The following AGRN variants were observed in gnomAD, a reference collection of about 807,000 sequenced individuals.
The protein encoded by AGRN is agrin proteoglycan.
AGRN carries 106 observed loss-of-function variants against 211.0 expected under a neutral mutation model. That is an observed-to-expected ratio of 0.50 (90% CI 0.43 to 0.59). The LOEUF (loss-of-function observed/expected upper bound fraction) is 0.59. AGRN is among the 20% of genes least tolerant of loss of function. The probability of loss-of-function intolerance (pLI) is 0.00; values close to 1 mark genes in which losing one functional copy is unlikely to be tolerated. For synonymous variants in AGRN, 1,525 were observed against 1,332.5 expected (o/e 1.14, Z -3.15); for missense variants, 3,040 against 2,982.6 (o/e 1.02, Z -0.45).
At position 1,049,986 on chromosome 1, in the gene AGRN, G is replaced by A; in HGVS notation, c.4828G>A (p.Gly1610Ser). 3.1e-6 allele frequency: 5 copies of A among 1,612,016 alleles called. No homozygotes were observed. Among genetic ancestry groups the A allele is most frequent in the Non-Finnish European group, 4.2e-6 (5 of 1,179,782 alleles). ...GCCCTGCCGTGTGCTGCCCGAGGGT[G>A]GTGCTCAGTGCGAGTGCCCCCTGGG... ...AAPCRVLPEGGAQCECPLGRE... is the reference protein window; with the variant it reads ...AAPCRVLPEGSAQCECPLGRE... The change falls in exon 27 of 36, where the codon GGT becomes AGT. Residue 1610 changes from glycine to serine, a missense_variant. This residue lies in a region of AGRN where 1,537 missense variants were observed against 1,505.0 expected (regional missense o/e 1.02). Coordinates refer to ENST00000379370, the MANE Select transcript of AGRN (RefSeq NM_198576.4).
At chr1:1,035,207 C>T in intron 2 of AGRN, 70 bp from the exon 3 acceptor site, 1 of 1,522,648 alleles carries the variant, frequency 6.6e-7, no homozygotes, top group Non-Finnish European at 9.1e-7. Flanking sequence ...CCTTTCCAGG[C>T]TGGGCAAAGG....
chr1:1,038,331 G>A (rs1334717119), intron 3 of AGRN, among the ~76,000 whole-genome samples: 1 of 152,184 alleles, frequency 6.6e-6, no homozygotes, highest in African/African-American at 2.4e-5. Context: ...AGGTACCCAA[G>A]GTCTCTCCAC....
In AGRN at chr1:1,051,617, G is replaced by A. The variant is rs1230791408; in HGVS notation, c.5535G>A (p.Gly1845=). 1.9e-6 allele frequency: 3 copies of A among 1,610,036 alleles called. No individual in the cohort carries two copies. Among genetic ancestry groups the A allele is most frequent in the East Asian group, 2.2e-5 (1 of 44,812 alleles). ...CTGCCTATGTGTGCCTGTGTCCCGG[G>A]GGATTCTCAGGACCGCACTGCGAGA... The part of the protein sequence containing the change: ...REAAYVCLCP[G]GFSGPHCEKG... Residue 1845 remains glycine, a synonymous_variant, in exon 32 of 36, where the codon GGG becomes GGA. Coordinates refer to ENST00000379370, the MANE Select transcript of AGRN (RefSeq NM_198576.4).
rs752720189 is a variant in AGRN at position 1,051,540 on chromosome 1, C to T, written c.5458C>T (p.Arg1820Trp). 3.8e-5 allele frequency: 60 copies of T among 1,567,422 alleles called. No individual in the cohort carries two copies. Among genetic ancestry groups the T allele is most frequent in the South Asian group, 1.8e-4 (15 of 85,626 alleles). ...VTSFAGHPCTRASGHPCLNGA... is the reference protein window; with the variant it reads ...VTSFAGHPCTWASGHPCLNGA... Reference sequence around the variant, plus strand: ...GTCCTTTGCAGGTCACCCCTGCACCCGGGCCTCAGGCCACCCCTGCCTCAA... The same window carrying T: ...GTCCTTTGCAGGTCACCCCTGCACCTGGGCCTCAGGCCACCCCTGCCTCAA... Residue 1820 changes from arginine (R) to tryptophan (W), a missense_variant, in exon 32 of 36, where the codon CGG becomes TGG. Arg to Trp is a moderately radical substitution (Grantham distance 101). Around this residue, in one of 3 missense-constraint regions of AGRN, gnomAD observed 1,537 missense variants for 1,505.0 expected, o/e 1.02. Transcript: ENST00000379370.
At chr1:1,039,913 G>T (rs1644888679) in intron 3 of AGRN, among the ~76,000 whole-genome samples, 1 of 152,208 alleles carries the variant, frequency 6.6e-6, no homozygotes, top group East Asian at 1.9e-4. Flanking sequence ...GGCTGGCCAG[G>T]GAGAATAGGA....
At chr1:1,044,890 A>G (rs1645047338) in intron 12 of AGRN, among the ~76,000 whole-genome samples, 1 of 151,670 alleles carries the variant, frequency 6.6e-6, no homozygotes, top group African/African-American at 2.4e-5. Flanking sequence ...TTTGCAAGGA[A>G]GCTCGCGTGT....
intron 12 of AGRN, among the ~76,000 whole-genome samples, chr1:1,044,910 C>T (rs1485003845): frequency 6.6e-6 from 1 of 152,160 alleles, no homozygotes; most frequent in African/African-American, 2.4e-5. Flanking sequence ...TGTGTGTGCA[C>T]AGAGCTGCGT....
Position 1,045,225 on chromosome 1 carries a change from CT to C in AGRN, c.2320del (p.Cys774AlafsTer89). On this transcript the variant is annotated frameshift_variant, in exon 13 of 36. Coordinates refer to ENST00000379370, the MANE Select transcript of AGRN (RefSeq NM_198576.4). LOFTEE classifies it high-confidence loss of function. ...LHCAQTPYGCCQDNITAARGV... is the reference protein window; with the variant it reads ...LHCAQTPYGCXQDNITAARGV... ...ACTGTGCCCAGACGCCCTACGGCTGCTGCCAGGACAATATCACCGCAGCCCG... is the reference window on the plus strand; with the variant it reads ...ACTGTGCCCAGACGCCCTACGGCTGCGCCAGGACAATATCACCGCAGCCCG... 1.2e-6 allele frequency: 2 copies of C among 1,612,510 alleles called. No individual in the cohort carries two copies.
chr1:1,046,149 C>A lies in AGRN; in HGVS notation c.2806-11C>A, dbSNP rs1179175578. The A allele has an allele frequency of 1.9e-6, 3 of 1,613,942 alleles. No individual in the cohort carries two copies. In the East Asian group the frequency reaches 6.7e-5, roughly 36 times the overall value. Reference sequence around the variant, plus strand: ...AGGCCTCGCCTTGAACATCCTTGTTCTCTGCCCCAGGTCTGTGGGTCAGAT... The same window carrying A: ...AGGCCTCGCCTTGAACATCCTTGTTATCTGCCCCAGGTCTGTGGGTCAGAT... On this transcript the variant is annotated splice_polypyrimidine_tract_variant and intron_variant, in intron 16 of 35. Coordinates refer to ENST00000379370, the MANE Select transcript of AGRN (RefSeq NM_198576.4).
intron 2 of AGRN, among the ~76,000 whole-genome samples, chr1:1,024,582 C>T (rs747043095): frequency 7.2e-5 from 11 of 152,098 alleles, no homozygotes; most frequent in African/African-American, 2.4e-4. Context: ...AAGGCCCCTC[C>T]GAGCTCCCCA....
intron 19 of AGRN, 50 bp from the exon 20 acceptor site, chr1:1,047,277 C>T (rs368527782): frequency 6.4e-7 from 1 of 1,554,416 alleles, no homozygotes; most frequent in Non-Finnish European, 8.7e-7. Flanking sequence ...CTGGGCCAGC[C>T]TGGATGCCAG....
At chr1:1,044,824 T>G (rs1359738963) in intron 12 of AGRN, among the ~76,000 whole-genome samples, 3 of 151,984 alleles carry the variant, frequency 2.0e-5, no homozygotes, top group Non-Finnish European at 4.4e-5. Context: ...AACTGTACGG[T>G]TTGGAGGAAT....
chr1:1,028,560 ACCCTTTCC>A (rs1557687095), intron 2 of AGRN, among the ~76,000 whole-genome samples: 1 of 137,930 alleles, frequency 7.3e-6, no homozygotes, highest in Non-Finnish European at 1.6e-5. Flanking sequence ...CAGCCACGCC[ACCCTTTCC>A]GAAGGAACCG....
Position 1,046,218 on chromosome 1 carries a change from G to C in AGRN, c.2864G>C (p.Cys955Ser), listed in dbSNP as rs1645088087. Reference protein sequence around the residue: ...GNECQLKTIACRQGLQISIQS... With the variant: ...GNECQLKTIASRQGLQISIQS... The stretch of plus-strand genomic sequence containing the variant: ...GAGTGTCAGCTGAAGACCATCGCCT[G>C]CCGCCAGGGCCTGCAAATCTCTATC... Residue 955 changes from cysteine to serine, a missense_variant, in exon 17 of 36, where the codon TGC becomes TCC. Transcript: ENST00000379370. The C allele has an allele frequency of 4.3e-6, 7 of 1,613,628 alleles. No individual in the cohort carries two copies. Among genetic ancestry groups the C allele is most frequent in the Non-Finnish European group, 5.9e-6 (7 of 1,179,988 alleles).
intron 3 of AGRN, 54 bp downstream of exon 3, chr1:1,035,378 CAG>C (rs990958309): frequency 1.4e-5 from 23 of 1,601,702 alleles, no homozygotes; most frequent in African/African-American, 1.3e-4. Context: ...TCTTGGGAGT[CAG>C]GGGCCATTTG....
rs146377446 is a variant in AGRN, at chr1:1,049,480, C to T, written c.4514+29C>T. On this transcript the variant is annotated intron_variant, in intron 25 of 35. Transcript: ENST00000379370. ...AGTCCCTTGGAGGGTGGTGTGGCCC[C>T]GACCCCGGCCCTTTGGGGTCCCGGT... 12,667 of 1,599,756 alleles carry T rather than the reference C, an allele frequency of 7.9e-3. 188 individuals are homozygous for T. The highest frequency in any genetic ancestry group is 0.044 in the South Asian group (3,943 of 90,556).
intron 2 of AGRN, among the ~76,000 whole-genome samples, chr1:1,026,151 C>T (rs1008791800): frequency 9.9e-5 from 15 of 152,160 alleles, no homozygotes. Context: ...TCACTCCCCA[C>T]CCAGAGAACA....
Position 1,050,465 on chromosome 1 carries a change from G to A in AGRN, c.5015G>A (p.Gly1672Asp), listed in dbSNP as rs1570244934. The change falls in exon 29 of 36, where the codon GGC (glycine) becomes GAC (aspartate). Residue 1672 changes from glycine (G) to aspartate (D), a missense_variant. By Grantham distance (94) the Gly-to-Asp change is moderately conservative. Around this residue, in one of 3 missense-constraint regions of AGRN, gnomAD observed 1,537 missense variants for 1,505.0 expected, o/e 1.02. Transcript: ENST00000379370. Reference protein sequence around the residue: ...MALEVVFLARGPSGLLLYNGQ... With the variant: ...MALEVVFLARDPSGLLLYNGQ... ...CTGGAGGTCGTGTTCCTGGCACGAG[G>A]CCCCAGCGGCCTCCTGCTCTACAAC... 1.2e-6 allele frequency: 2 copies of A among 1,612,924 alleles called. No individual in the cohort carries two copies. The highest frequency in any genetic ancestry group is 1.7e-5 in the Admixed American group (1 of 59,986).
At chr1:1,035,382 G>A in intron 3 of AGRN, 58 bp downstream of exon 3, 2 of 1,599,686 alleles carry the variant, frequency 1.3e-6, no homozygotes, top group Non-Finnish European at 1.7e-6. Context: ...GGGAGTCAGG[G>A]GCCATTTGGA....
Sources: allele counts gnomAD v4.1 joint callset (sites outside exome capture counted in the v4.1 genomes callset), GRCh38; gene constraint gnomAD v4.1.1; regional missense constraint gnomAD v4.1.1; transcripts MANE v1.5; gene names NCBI Gene and HGNC (gene_info 2026-07-23, HGNC 2026-07-21).